RAI14: variants seen among roughly 807,000 people sequenced by gnomAD.
The protein encoded by RAI14 is retinoic acid induced 14.
Under a neutral mutation model 115.4 loss-of-function variants are expected in RAI14, and 45 were observed. The ratio of observed to expected loss-of-function variants is 0.39; its 90% confidence interval spans 0.31 to 0.50. RAI14 has a LOEUF of 0.50. Ranked by LOEUF, RAI14 falls within the 20% of genes least tolerant of loss-of-function variation. The probability of loss-of-function intolerance (pLI) is 0.85; values close to 1 mark genes in which losing one functional copy is unlikely to be tolerated. For synonymous variants in RAI14, 371 were observed against 415.4 expected (o/e 0.89, Z 1.30); for missense variants, 939 against 1,131.2 (o/e 0.83, Z 2.44).
chr5:34,764,980 G>A (rs752958159), intron 3 of RAI14, among the ~76,000 whole-genome samples: 31 of 152,078 alleles, frequency 2.0e-4, no homozygotes, highest in Non-Finnish European at 1.3e-4. Context: ...CTGTTCTTGC[G>A]GTAGTGAATA....
At chr5:34,688,852 G>A (rs567881168) in intron 2 of RAI14, among the ~76,000 whole-genome samples, 1 of 151,866 alleles carries the variant, frequency 6.6e-6, no homozygotes, top group Admixed American at 6.5e-5. Context: ...TAACCATTAG[G>A]AAGTATTAAC....
Position 34,751,079 on chromosome 5 carries a change from G to A in RAI14, c.37-6389G>A, listed in dbSNP as rs551994046. ...TTGGTCAGGCTGGTCTCGAACTCCC[G>A]AACTCAGGTGATCCGCCTGCCTTAG... On this transcript the variant is annotated intron_variant, in intron 2 of 17. Transcript: ENST00000265109. 3.3e-5 allele frequency among the ~76,000 whole-genome samples: 5 copies of A among 151,058 alleles called. No individual in the cohort carries two copies. In the South Asian group the frequency reaches 8.4e-4, roughly 25 times the overall value.
chr5:34,690,594 G>C (rs7735814), intron 2 of RAI14, among the ~76,000 whole-genome samples: 71,083 of 152,050 alleles, frequency 0.47, 18,281 homozygotes, highest in South Asian at 0.64. Flanking sequence ...TGGGAGTGTC[G>C]TTTCCGGAAG....
chr5:34,691,677 C>T (rs187082175), intron 2 of RAI14, among the ~76,000 whole-genome samples: 6 of 152,228 alleles, frequency 3.9e-5, no homozygotes, highest in African/African-American at 1.2e-4. Flanking sequence ...GCCACTCAAA[C>T]GTGATCGAGG....
rs1223120801 is a variant in RAI14 at position 34,832,553 on chromosome 5, G to A, written c.*1788G>A. The A allele has an allele frequency of 6.6e-6, 1 of 152,582 alleles. No individual in the cohort carries two copies. The highest frequency in any genetic ancestry group is 2.4e-5 in the African/African-American group (1 of 41,438). 9.5% of individuals were successfully genotyped at this position (152,582 alleles called of 1,614,324 possible). On this transcript the variant is annotated 3_prime_UTR_variant, in exon 18 of 18. Transcript: ENST00000265109. ...GAAAAGTTATATGCTGTAGTTTTTA[G>A]TATTTTGTCTTTGTAATTTACAGAA...
At chr5:34,746,098 C>CA (rs1415743659) in intron 2 of RAI14, among the ~76,000 whole-genome samples, 6 of 133,124 alleles carry the variant, frequency 4.5e-5, no homozygotes, top group Admixed American at 1.5e-4. Flanking sequence ...CCCTCCCCCC[C>CA]CCGCCTTTTT....
intron 6 of RAI14, 47 bp from the exon 7 acceptor site, chr5:34,808,537 G>A (rs763148523): frequency 6.4e-7 from 1 of 1,556,528 alleles, no homozygotes; most frequent in South Asian, 1.1e-5. Context: ...CCCTGGTTGT[G>A]AATAACTGTG....
chr5:34,713,382 G>A (rs569075808), intron 2 of RAI14, among the ~76,000 whole-genome samples: 8 of 152,084 alleles, frequency 5.3e-5, no homozygotes, highest in Non-Finnish European at 1.2e-4. Context: ...AAGAGAGATG[G>A]GATTGAGGTC....
At chr5:34,674,420 GA>G (rs755941301) in intron 1 of RAI14, among the ~76,000 whole-genome samples, 3 of 152,136 alleles carry the variant, frequency 2.0e-5, no homozygotes, top group Non-Finnish European at 4.4e-5. Context: ...AAGAACCAAT[GA>G]ATATGTAGTA....
At chr5:34,720,147 T>G (rs1003037107) in intron 2 of RAI14, among the ~76,000 whole-genome samples, 1 of 152,192 alleles carries the variant, frequency 6.6e-6, no homozygotes, top group African/African-American at 2.4e-5. Flanking sequence ...TTCTCAGAGC[T>G]TATTTGCAAG....
intron 3 of RAI14, among the ~76,000 whole-genome samples, chr5:34,779,948 T>TCA (rs1164414707): frequency 6.6e-6 from 1 of 152,184 alleles, no homozygotes; most frequent in Non-Finnish European, 1.5e-5. Flanking sequence ...GCTGGAGGCA[T>TCA]CACACTACCT....
intron 1 of RAI14, among the ~76,000 whole-genome samples, chr5:34,678,435 T>G (rs1744151216): frequency 6.6e-6 from 1 of 152,174 alleles, no homozygotes. Context: ...TACCTGTATT[T>G]GGAGATAGGA....
chr5:34,821,923 T>C, intron 14 of RAI14, 73 bp downstream of exon 14: 1 of 798,652 alleles, frequency 1.3e-6, no homozygotes, highest in South Asian at 1.7e-5. Context: ...GTCAGATGTA[T>C]TTTGTTTTAA....
At chr5:34,718,728 A>C (rs1742294227) in intron 2 of RAI14, among the ~76,000 whole-genome samples, 1 of 152,236 alleles carries the variant, frequency 6.6e-6, no homozygotes, top group African/African-American at 2.4e-5. Context: ...TGGGTAAGTT[A>C]CTAAACCTTG....
At chr5:34,710,013 G>A (rs959306950) in intron 2 of RAI14, among the ~76,000 whole-genome samples, 4 of 152,192 alleles carry the variant, frequency 2.6e-5, no homozygotes, top group African/African-American at 7.2e-5. Context: ...TGAGTTGTGC[G>A]TGGAAATAGT....
chr5:34,701,743 G>A (rs1262296940), intron 2 of RAI14, among the ~76,000 whole-genome samples: 1 of 152,014 alleles, frequency 6.6e-6, no homozygotes. Flanking sequence ...TGAGGGCTGT[G>A]CACAGGTCAT....
At position 34,749,989 on chromosome 5, in the gene RAI14, G is replaced by A. The variant is rs540345777; in HGVS notation, c.37-7479G>A. 1.6e-4 allele frequency among the ~76,000 whole-genome samples: 24 copies of A among 152,270 alleles called. No individual in the cohort carries two copies. The East Asian group carries it at 3.5e-3, about 22-fold the overall frequency. On this transcript the variant is annotated intron_variant, in intron 2 of 17. Transcript: ENST00000265109. ...TAAGCTGTTATCAGCCTCTAAAAGG[G>A]TATTGGACTATCAGTCCTAAATTGT... is the stretch of plus-strand genomic sequence containing the variant.
At chr5:34,817,555 G>A (rs528018209) in intron 12 of RAI14, among the ~76,000 whole-genome samples, 1 of 152,224 alleles carries the variant, frequency 6.6e-6, no homozygotes, top group East Asian at 1.9e-4. Flanking sequence ...GTTTGTAGCA[G>A]CTTCATTCAC....
At chr5:34,714,911 G>T (rs774947836) in intron 2 of RAI14, among the ~76,000 whole-genome samples, 2 of 152,058 alleles carry the variant, frequency 1.3e-5, no homozygotes, top group African/African-American at 4.8e-5. Flanking sequence ...GCAGTTCCTC[G>T]GTCTACCTGC....
Sources: allele counts gnomAD v4.1 joint callset (sites outside exome capture counted in the v4.1 genomes callset), GRCh38; gene constraint gnomAD v4.1.1; transcripts MANE v1.5; gene names NCBI Gene and HGNC (gene_info 2026-07-23, HGNC 2026-07-21).